PPP1R9A: variants seen among roughly 807,000 people sequenced by gnomAD.
PPP1R9A encodes protein phosphatase 1 regulatory subunit 9A.
PPP1R9A carries 59 observed loss-of-function variants against 141.9 expected under a neutral mutation model. That is an observed-to-expected ratio of 0.42 (90% CI 0.34 to 0.52). The LOEUF (loss-of-function observed/expected upper bound fraction) is 0.52, where lower values mean the gene tolerates loss of function less well. PPP1R9A is among the 20% of genes least tolerant of loss of function. The pLI is 0.10. For missense variants in PPP1R9A, 1,444 were observed against 1,611.9 expected, an observed-to-expected ratio of 0.90 and a Z score of 1.78; for synonymous variants, 500 against 569.7, an observed-to-expected ratio of 0.88 and a Z score of 1.74.
At chr7:95,118,700 G>A (rs902339973) in intron 3 of PPP1R9A, among the ~76,000 whole-genome samples, 4 of 151,866 alleles carry the variant, frequency 2.6e-5, no homozygotes, top group African/African-American at 9.7e-5. Flanking sequence ...GGCCAGGCCT[G>A]GTGACTCATA....
intron 2 of PPP1R9A, among the ~76,000 whole-genome samples, chr7:95,062,695 AT>A (rs570991932): frequency 6.7e-6 from 1 of 149,790 alleles, no homozygotes; most frequent in Non-Finnish European, 1.5e-5. Context: ...GCCAAGGGGG[AT>A]TTTTTTTTCT....
rs140932609 is a variant in PPP1R9A at position 95,290,270 on chromosome 7, G to A, written c.4092G>A (p.Thr1364=). 421 of 1,612,274 alleles carry A rather than the reference G, an allele frequency of 2.6e-4. 2 individuals carry two copies. The African/African-American group carries it at 4.9e-3, about 19-fold the overall frequency. ...QRKSKKTEKM[T]STTAEGAGEQ is the part of the protein sequence containing the mutation. ...AGTCCAAAAAGACAGAAAAGATGAC[G>A]TCAACTACAGCCGAGGGTGCTGGTG... Residue 1364 remains threonine (T), a synonymous_variant, in exon 20 of 20, where the codon ACG becomes ACA. Transcript: ENST00000433360.
At chr7:95,123,133 T>C (rs1029710579) in intron 4 of PPP1R9A, among the ~76,000 whole-genome samples, 1 of 152,206 alleles carries the variant, frequency 6.6e-6, no homozygotes, top group African/African-American at 2.4e-5. Context: ...TATTTATTTT[T>C]CCTTCAATCA....
chr7:95,019,228 C>G (rs1159959310), intron 2 of PPP1R9A, among the ~76,000 whole-genome samples: 1 of 152,132 alleles, frequency 6.6e-6, no homozygotes, highest in Admixed American at 6.5e-5. Flanking sequence ...AACTCCATCT[C>G]TACTGAAAGT....
At chr7:94,999,777 TTTTATTTATTTATTTATTTATTTA>T (rs34600036) in intron 2 of PPP1R9A, among the ~76,000 whole-genome samples, 20 of 141,304 alleles carry the variant, frequency 1.4e-4, no homozygotes, top group Non-Finnish European at 1.7e-4. Context: ...AGATATCTTA[TTTTATTTATTTATTTATTTATTTA>T]TTTATTTATT....
intron 2 of PPP1R9A, among the ~76,000 whole-genome samples, chr7:94,975,366 T>TG (rs1563070043): frequency 2.1e-5 from 3 of 145,832 alleles, no homozygotes; most frequent in Non-Finnish European, 4.5e-5. Context: ...GTTTTTTTTT[T>TG]TTTTTTTTTT....
At chr7:95,217,647 A>C (rs1793682518) in intron 7 of PPP1R9A, among the ~76,000 whole-genome samples, 1 of 152,016 alleles carries the variant, frequency 6.6e-6, no homozygotes, top group Admixed American at 6.6e-5. Context: ...TCAATTTCAG[A>C]GCCTGTTATT....
intron 2 of PPP1R9A, among the ~76,000 whole-genome samples, chr7:95,094,736 C>T (rs557837386): frequency 1.8e-4 from 27 of 151,672 alleles, no homozygotes; most frequent in South Asian, 6.3e-4. Flanking sequence ...AAAAATTAGC[C>T]GGGCATGGTG....
intron 2 of PPP1R9A, among the ~76,000 whole-genome samples, chr7:95,047,276 T>G (rs976318391): frequency 6.6e-6 from 1 of 152,228 alleles, no homozygotes; most frequent in African/African-American, 2.4e-5. Context: ...AAGCAGTGTT[T>G]CGGCACAAAT....
intron 12 of PPP1R9A, among the ~76,000 whole-genome samples, chr7:95,267,873 C>T (rs568229128): frequency 6.6e-6 from 1 of 152,214 alleles, no homozygotes; most frequent in South Asian, 2.1e-4. Flanking sequence ...TACTAGTAAA[C>T]TAAGTACTTA....
At chr7:95,122,205 G>A (rs1403508827) in intron 4 of PPP1R9A, among the ~76,000 whole-genome samples, 2 of 143,328 alleles carry the variant, frequency 1.4e-5, no homozygotes, top group Non-Finnish European at 3.0e-5. Flanking sequence ...GGAGTACAGT[G>A]GCATGATCTC....
chr7:95,044,164 G>A (rs928991168), intron 2 of PPP1R9A, among the ~76,000 whole-genome samples: 8 of 152,160 alleles, frequency 5.3e-5, no homozygotes, highest in Non-Finnish European at 4.4e-5. Context: ...TCTGGAGGGG[G>A]TCTGCCAGTG....
intron 2 of PPP1R9A, among the ~76,000 whole-genome samples, chr7:94,957,696 G>T (rs1797212924): frequency 6.6e-6 from 1 of 152,012 alleles, no homozygotes; most frequent in South Asian, 2.1e-4. Context: ...TGATTTCATG[G>T]AGATATACAA....
chr7:95,064,661 A>G (rs1175024505), intron 2 of PPP1R9A, among the ~76,000 whole-genome samples: 1 of 152,232 alleles, frequency 6.6e-6, no homozygotes, highest in African/African-American at 2.4e-5. Flanking sequence ...AAAAAGCTCT[A>G]CAGATTTGAG....
At chr7:95,257,218 G>A (rs879873840) in intron 12 of PPP1R9A, among the ~76,000 whole-genome samples, 1 of 152,128 alleles carries the variant, frequency 6.6e-6, no homozygotes, top group Non-Finnish European at 1.5e-5. Context: ...AAGTGATTAA[G>A]ACCACGTGAT....
chr7:95,274,293 G>A (rs1802760959), intron 16 of PPP1R9A, 125 bp downstream of exon 16: 2 of 892,148 alleles, frequency 2.2e-6, no homozygotes, highest in South Asian at 3.6e-5. Context: ...GAATTGAGAT[G>A]GAAGAAAAAT....
chr7:94,960,878 C>T (rs953468170), intron 2 of PPP1R9A, among the ~76,000 whole-genome samples: 4 of 151,490 alleles, frequency 2.6e-5, no homozygotes, highest in African/African-American at 9.7e-5. Flanking sequence ...TGTTTCTTTT[C>T]ATTTGCTTGT....
intron 7 of PPP1R9A, among the ~76,000 whole-genome samples, chr7:95,220,341 C>T (rs922369595): frequency 2.6e-5 from 4 of 152,044 alleles, no homozygotes; most frequent in African/African-American, 9.7e-5. Flanking sequence ...AATTCAAATC[C>T]GGTAAACAAA....
At chr7:95,197,044 T>G (rs1056252201) in intron 5 of PPP1R9A, among the ~76,000 whole-genome samples, 2 of 152,104 alleles carry the variant, frequency 1.3e-5, no homozygotes. Context: ...TATATAAAAG[T>G]ATTTATTAAA....
Sources: gnomAD v4.1 joint callset for allele counts (sites outside exome capture counted in the v4.1 genomes callset) on GRCh38, gnomAD v4.1.1 for gene constraint, MANE v1.5 for transcripts, NCBI Gene and HGNC (gene_info 2026-07-23, HGNC 2026-07-21) for gene names.